The following DEGS2 variants were observed in gnomAD, a reference collection of about 807,000 sequenced individuals.
DEGS2 encodes the protein delta 4-desaturase, sphingolipid 2.
In DEGS2, 19 loss-of-function variants were observed where a neutral mutation model predicts 23.8. The observed-to-expected ratio is 0.80, with a 90% CI of 0.56 to 1.17. The LOEUF (loss-of-function observed/expected upper bound fraction) is 1.17. Among genes scored for constraint, DEGS2 ranks in the 50% most tolerant of loss-of-function variants. DEGS2 has a pLI of 0.00. For synonymous variants in DEGS2, 218 were observed against 213.7 expected (o/e 1.02, Z -0.18); for missense variants, 390 against 459.5 (o/e 0.85, Z 1.38).
chr14:100,154,939 C>T (rs1415107075), intron 1 of DEGS2, among the ~76,000 whole-genome samples: 1 of 152,216 alleles, frequency 6.6e-6, no homozygotes, highest in Non-Finnish European at 1.5e-5. Context: ...GTCTTGTCCC[C>T]AGCAGGGCTC....
At position 100,148,992 on chromosome 14, in the gene DEGS2, G is replaced by T; in HGVS notation, c.801C>A (p.Ser267Arg). The stretch of plus-strand genomic sequence containing the variant: ...CCAGCGGCAGGTTGTAGCCCGGGAT[G>T]CTGGGGAAGTCGTGGTGCTCCACGT... The part of the protein sequence containing the change: ...GYHVEHHDFP[S>R]IPGYNLPLVR... The change falls in exon 2 of 3, where the codon AGC becomes AGA. Residue 267 changes from serine (S) to arginine (R), a missense_variant. Ser to Arg is a moderately radical substitution (Grantham distance 110, BLOSUM62 -1). Transcript: ENST00000305631. 1.2e-6 allele frequency: 2 copies of T among 1,612,526 alleles called. No individual in the cohort carries two copies. The highest frequency in any genetic ancestry group is 1.7e-6 in the Non-Finnish European group (2 of 1,179,742).
At chr14:100,154,102 C>T (rs1164046831) in intron 1 of DEGS2, among the ~76,000 whole-genome samples, 1 of 152,178 alleles carries the variant, frequency 6.6e-6, no homozygotes, top group Non-Finnish European at 1.5e-5. Flanking sequence ...CAGTGGCTCA[C>T]ACCTGTAATC....
chr14:100,153,252 CAGATAGAT>C (rs61183768), intron 1 of DEGS2, among the ~76,000 whole-genome samples: 7,430 of 147,468 alleles, frequency 0.05, 236 homozygotes, highest in African/African-American at 0.051. Flanking sequence ...ATGGCAAAAA[CAGATAGAT>C]AGATAGATAG....
intron 1 of DEGS2, among the ~76,000 whole-genome samples, chr14:100,154,091 G>A (rs899337343): frequency 2.0e-5 from 3 of 152,200 alleles, no homozygotes; most frequent in African/African-American, 4.8e-5. Context: ...AGATCTGGGC[G>A]CAGTGGCTCA....
the DEGS2 span, among the ~76,000 whole-genome samples, chr14:100,166,304 G>GAAGTGGGGGGAGC: frequency 3.6e-5 from 2 of 55,408 alleles, no homozygotes; most frequent in Admixed American, 1.6e-4. Context: ...CCTGCCCGGG[G>GAAGTGGGGGGAGC]CTGTGGGGGA....
upstream of DEGS2, among the ~76,000 whole-genome samples, chr14:100,163,168 G>T (rs1242352558): frequency 6.6e-6 from 1 of 152,174 alleles, no homozygotes; most frequent in Non-Finnish European, 1.5e-5. Flanking sequence ...CGAGCCGGGC[G>T]AGGTGGCTCA....
intron 2 of DEGS2, among the ~76,000 whole-genome samples, chr14:100,148,187 G>A (rs527432454): frequency 4.6e-5 from 7 of 152,280 alleles, no homozygotes; most frequent in South Asian, 2.1e-4. Context: ...GTGTGCGCAC[G>A]CCCAGGCACA....
intron 1 of DEGS2, among the ~76,000 whole-genome samples, chr14:100,152,290 G>A (rs1016707169): frequency 1.8e-4 from 28 of 152,102 alleles, no homozygotes; most frequent in African/African-American, 6.5e-4. Flanking sequence ...AGATGCCAGG[G>A]TGGGCGTCAT....
intron 1 of DEGS2, among the ~76,000 whole-genome samples, chr14:100,158,626 T>C (rs1344354099): frequency 6.6e-6 from 1 of 152,196 alleles, no homozygotes; most frequent in Non-Finnish European, 1.5e-5. Context: ...TGAAATGGTA[T>C]TGTTTCCCCA....
the DEGS2 span, among the ~76,000 whole-genome samples, chr14:100,165,824 T>TG: frequency 7.5e-6 from 1 of 133,776 alleles, no homozygotes; most frequent in East Asian, 2.3e-4. Context: ...AGCTGCTGTT[T>TG]GGGGGGCTTT....
the DEGS2 span, among the ~76,000 whole-genome samples, chr14:100,166,237 AGTGGGGGGAGCCTGTCCGGGGG>A: frequency 1.6e-5 from 1 of 64,144 alleles, no homozygotes; most frequent in African/African-American, 6.0e-5. Flanking sequence ...CATCCAGGAG[AGTGGGGGGAGCCTGTCCGGGGG>A]AGTGGGGGGA....
At chr14:100,160,813 G>A (rs1299542142), upstream of DEGS2, among the ~76,000 whole-genome samples, 4 of 152,206 alleles carry the variant, frequency 2.6e-5, no homozygotes, top group African/African-American at 9.7e-5. Flanking sequence ...GTGTCCTGCA[G>A]CCGCCAGCCA....
chr14:100,149,607 G>T lies in DEGS2; in HGVS notation c.186C>A (p.Arg62=). ...ACAGCAGCCAGCGCCAGGCCAGCCCGCGCACCAGCCAGCAGGCCAGCATCT... is the reference window on the plus strand; with the variant it reads ...ACAGCAGCCAGCGCCAGGCCAGCCCTCGCACCAGCCAGCAGGCCAGCATCT... ...LVQMLACWLV[R]GLAWRWLLFW... is the part of the protein sequence containing the mutation. Residue 62 remains arginine, a synonymous_variant, in exon 2 of 3, where the codon CGC becomes CGA. Transcript: ENST00000305631. 1 of 1,610,856 alleles carries T rather than the reference G, an allele frequency of 6.2e-7. No individual in the cohort carries two copies.
Position 100,157,597 on chromosome 14 carries a change from C to G in DEGS2, c.82+1909G>C, listed in dbSNP as rs116837500. Reference sequence around the variant, plus strand: ...CGGGAGGCAGCTACCACTGCTGGGACCAGACGATGCTGGGCTGCAGCTCAC... The same window carrying G: ...CGGGAGGCAGCTACCACTGCTGGGAGCAGACGATGCTGGGCTGCAGCTCAC... On this transcript the variant is annotated intron_variant, in intron 1 of 2. Transcript: ENST00000305631. 4.7e-3 allele frequency among the ~76,000 whole-genome samples: 711 copies of G among 152,346 alleles called. 1 individual carries two copies. The highest frequency in any genetic ancestry group is 0.016 in the African/African-American group (678 of 41,578).
intron 1 of DEGS2, among the ~76,000 whole-genome samples, chr14:100,154,776 C>T (rs1303510690): frequency 1.3e-5 from 2 of 152,178 alleles, no homozygotes; most frequent in African/African-American, 4.8e-5. Context: ...GCAGAGGGAC[C>T]GCATCAGAAA....
At chr14:100,151,134 G>A (rs888624568) in intron 1 of DEGS2, among the ~76,000 whole-genome samples, 20 of 152,246 alleles carry the variant, frequency 1.3e-4, no homozygotes, top group South Asian at 2.1e-4. Flanking sequence ...ACCAGCCTGC[G>A]TCTTCCCATC....
chr14:100,160,716 C>T (rs1486249729), upstream of DEGS2, among the ~76,000 whole-genome samples: 2 of 152,236 alleles, frequency 1.3e-5, no homozygotes, highest in African/African-American at 4.8e-5. Flanking sequence ...CCATGGAAGT[C>T]CATGGCCCGG....
At chr14:100,165,150 T>TACCTCCTCTGTCTCTCACA in the DEGS2 span, among the ~76,000 whole-genome samples, 2 of 152,120 alleles carry the variant, frequency 1.3e-5, no homozygotes, top group African/African-American at 4.8e-5. Context: ...CACAGCCCAC[T>TACCTCCTCTGTCTCTCACA]ACCTCCTCTG....
chr14:100,158,553 TTAAA>T (rs1254241680), intron 1 of DEGS2, among the ~76,000 whole-genome samples: 1 of 152,118 alleles, frequency 6.6e-6, no homozygotes, highest in Non-Finnish European at 1.5e-5. Context: ...ATTAATTAAA[TTAAA>T]TAAAACGCCC....
Sources: gnomAD v4.1 joint callset for allele counts (sites outside exome capture counted in the v4.1 genomes callset) on GRCh38, gnomAD v4.1.1 for gene constraint, MANE v1.5 for transcripts, NCBI Gene and HGNC (gene_info 2026-07-23, HGNC 2026-07-21) for gene names.